NABP1: variants seen among roughly 807,000 people sequenced by gnomAD.
NABP1 encodes SOSS complex subunit B2.
NABP1 carries 18 observed loss-of-function variants against 25.0 expected under a neutral mutation model. The observed-to-expected ratio is 0.72, with a 90% CI of 0.50 to 1.07. The LOEUF (loss-of-function observed/expected upper bound fraction) is 1.07, where lower values mean the gene tolerates loss of function less well. Among genes scored for constraint, NABP1 ranks in the 50% least tolerant of loss-of-function variants. NABP1 has a pLI of 0.00. For missense variants in NABP1, 270 were observed against 255.6 expected, an observed-to-expected ratio of 1.06 and a Z score of -0.39; for synonymous variants, 71 against 85.0, an observed-to-expected ratio of 0.84 and a Z score of 0.91.
chr2:191,678,737 C>G (rs745720273), intron 1 of NABP1, 32 bp downstream of exon 1: 104 of 1,578,552 alleles, frequency 6.6e-5, no homozygotes, highest in Non-Finnish European at 8.8e-5. Context: ...CTCCACCGCC[C>G]GCTGTGCCTC....
rs1196932534 is a variant in NABP1, at chr2:191,678,423, T to TG, written c.-192_-191insG. On this transcript the variant is annotated 5_prime_UTR_variant, in exon 1 of 6. Coordinates refer to ENST00000425611, the MANE Select transcript of NABP1 (RefSeq NM_001031716.5). ...TGAGCCTTTTTTTTTTTTTTTTTTT[T>TG]TTTTCTTTTTTTAGGCTCAGTGCTG... is the stretch of plus-strand genomic sequence containing the variant. 5.0e-4 allele frequency: 82 copies of TG among 163,134 alleles called. No homozygotes were observed. Among genetic ancestry groups the TG allele is most frequent in the Non-Finnish European group, 8.1e-4 (61 of 75,606 alleles). 10.1% of individuals were successfully genotyped at this position (163,134 alleles called of 1,614,324 possible).
chr2:191,680,122 T>A lies in NABP1; in HGVS notation c.230+994T>A, dbSNP rs568388480. Among the ~76,000 whole-genome samples, 463 of 152,244 alleles carry A rather than the reference T, an allele frequency of 3.0e-3. 5 individuals are homozygous for A. The highest frequency in any genetic ancestry group is 0.01 in the African/African-American group (436 of 41,544). The stretch of plus-strand genomic sequence containing the variant: ...TTAAAAAATACTAGAACTTTTTTTT[T>A]AAAAAATAGATTGCTTTTAGAAATT... On this transcript the variant is annotated intron_variant, in intron 2 of 5. Transcript: ENST00000425611.
chr2:191,686,341 T>G lies in NABP1; in HGVS notation c.*573T>G, dbSNP rs1436151430. On this transcript the variant is annotated 3_prime_UTR_variant, in exon 6 of 6. Coordinates refer to ENST00000425611, the MANE Select transcript of NABP1 (RefSeq NM_001031716.5). ...CAAAAAAACAGATTCCTTATCAGAA[T>G]TTGGAATAGAATGTGATCTCTATTG... The G allele has an allele frequency of 6.6e-6, 1 of 152,288 alleles. No homozygotes were observed. Among genetic ancestry groups the G allele is most frequent in the Non-Finnish European group, 1.5e-5 (1 of 68,108 alleles). 9.4% of individuals were successfully genotyped at this position (152,288 alleles called of 1,614,324 possible).
chr2:191,679,213 C>A, intron 2 of NABP1, 85 bp downstream of exon 2: 1 of 1,539,940 alleles, frequency 6.5e-7, no homozygotes, highest in Non-Finnish European at 8.9e-7. Context: ...GCCCTGAAGT[C>A]CCCCGCCTTT....
chr2:191,682,119 A>G (rs1687704327), intron 3 of NABP1, 102 bp downstream of exon 3: 1 of 615,344 alleles, frequency 1.6e-6, no homozygotes, highest in South Asian at 3.2e-5. Flanking sequence ...TTTTTTGACT[A>G]GTAAACTGAA....
At position 191,685,740 on chromosome 2, in the gene NABP1, G is replaced by C; in HGVS notation, c.587G>C (p.Arg196Thr). ...QTVMTTISNG[R>T]DPRRAFKR ...GTGATGACCACAATAAGTAATGGCA[G>C]GGACCCTCGGAGAGCCTTTAAAAGA... The change falls in exon 6 of 6, where the codon AGG becomes ACG. Residue 196 changes from arginine to threonine, a missense_variant. By Grantham distance (71) the Arg-to-Thr change is moderately conservative. Coordinates refer to ENST00000425611, the MANE Select transcript of NABP1 (RefSeq NM_001031716.5). 1 of 1,614,122 alleles carries C rather than the reference G, an allele frequency of 6.2e-7. No homozygotes were observed. Among genetic ancestry groups the C allele is most frequent in the Non-Finnish European group, 8.5e-7 (1 of 1,179,988 alleles).
rs1260012185 is a variant in NABP1 at position 191,686,053 on chromosome 2, T to G, written c.*285T>G. ...TGCACCCATTTCATGGGTGAGTTAC[T>G]TAAGACATCAGCTTTATAGCCTCTA... On this transcript the variant is annotated 3_prime_UTR_variant, in exon 6 of 6. Coordinates refer to ENST00000425611, the MANE Select transcript of NABP1 (RefSeq NM_001031716.5). 3.4e-6 allele frequency: 1 copy of G among 298,466 alleles called. No homozygotes were observed. Among genetic ancestry groups the G allele is most frequent in the African/African-American group, 2.2e-5 (1 of 44,526 alleles). The allele number at this position is 298,466 out of a possible 1,614,324, so 18.5% of individuals were successfully genotyped here.
chr2:191,683,038 T>TA lies in NABP1; in HGVS notation c.303-690dup, dbSNP rs1687729145. 6.3e-6 allele frequency: 1 copy of TA among 158,038 alleles called. No homozygotes were observed. Among genetic ancestry groups the TA allele is most frequent in the African/African-American group, 2.4e-5 (1 of 41,468 alleles). The allele number at this position is 158,038 out of a possible 1,614,324, so 9.8% of individuals were successfully genotyped here. Reference sequence around the variant, plus strand: ...GGTGTTGATAATAATGGAGGTCAGTTACGTGAAAAACCGTTAGAGGTCACT... The same window carrying TA: ...GGTGTTGATAATAATGGAGGTCAGTTAACGTGAAAAACCGTTAGAGGTCACT... On this transcript the variant is annotated intron_variant, in intron 3 of 5. Coordinates refer to ENST00000425611, the MANE Select transcript of NABP1 (RefSeq NM_001031716.5). The surrounding 1 kb of genome is among the most constrained non-coding windows in gnomAD (Gnocchi z 4.1).
chr2:191,679,173 G>A, intron 2 of NABP1, 45 bp downstream of exon 2: 2 of 1,610,810 alleles, frequency 1.2e-6, no homozygotes, highest in Non-Finnish European at 1.7e-6. Context: ...CTGCAGAATC[G>A]GGATTGGCCG....
chr2:191,678,798 C>T, intron 1 of NABP1, 93 bp downstream of exon 1: 2 of 1,236,830 alleles, frequency 1.6e-6, no homozygotes, highest in South Asian at 1.3e-5. Flanking sequence ...GGCTCCCCTC[C>T]TCCTCCCTCC....
intron 5 of NABP1, among the ~76,000 whole-genome samples, chr2:191,685,328 T>C (rs957695047): frequency 2.6e-5 from 4 of 152,250 alleles, no homozygotes; most frequent in Non-Finnish European, 5.9e-5. Flanking sequence ...TTTTCTTTTA[T>C]AGTGTAGGCA....
chr2:191,682,544 G>C (rs770005468), intron 3 of NABP1: 5 of 470,980 alleles, frequency 1.1e-5, no homozygotes, highest in Non-Finnish European at 8.8e-6. Flanking sequence ...CTACTACCCT[G>C]GTAATGATCT....
Position 191,683,512 on chromosome 2 carries a change from A to G in NABP1, c.303-217A>G, listed in dbSNP as rs957358679. The G allele has an allele frequency of 2.3e-6, 1 of 429,074 alleles. No homozygotes were observed. The highest frequency in any genetic ancestry group is 4.1e-6 in the Non-Finnish European group (1 of 243,194). 26.6% of individuals were successfully genotyped at this position (429,074 alleles called of 1,614,324 possible). Reference sequence around the variant, plus strand: ...TTCAGCACTAAAGAAGAATTTAAATACAAAATAGAATGTTATATATCTTGT... The same window carrying G: ...TTCAGCACTAAAGAAGAATTTAAATGCAAAATAGAATGTTATATATCTTGT... On this transcript the variant is annotated intron_variant, in intron 3 of 5. Coordinates refer to ENST00000425611, the MANE Select transcript of NABP1 (RefSeq NM_001031716.5). This position sits in a 1 kb window ranked among gnomAD's most constrained non-coding sequence, Gnocchi z 4.1.
intron 1 of NABP1, 47 bp from the exon 2 acceptor site, chr2:191,678,943 T>A: frequency 2.5e-6 from 4 of 1,613,574 alleles, no homozygotes; most frequent in Non-Finnish European, 3.4e-6. Context: ...TTTCTGGATG[T>A]CCTCATTATC....
At position 191,683,498 on chromosome 2, in the gene NABP1, A is replaced by G. The variant is rs1687738321; in HGVS notation, c.303-231A>G. The stretch of plus-strand genomic sequence containing the variant: ...GATGTGATTTTTTTTTCAGCACTAA[A>G]GAAGAATTTAAATACAAAATAGAAT... On this transcript the variant is annotated intron_variant, in intron 3 of 5. Transcript: ENST00000425611. The surrounding 1 kb of genome is among the most constrained non-coding windows in gnomAD (Gnocchi z 4.1). 2.5e-6 allele frequency: 1 copy of G among 395,896 alleles called. No individual in the cohort carries two copies. The highest frequency in any genetic ancestry group is 2.2e-5 in the African/African-American group (1 of 46,444). The allele number at this position is 395,896 out of a possible 1,614,324, so 24.5% of individuals were successfully genotyped here. A position where few individuals can be genotyped will look rare whatever the true frequency, so the allele number is the denominator to read the frequency against.
rs192019689 is a variant in NABP1, at chr2:191,685,460, A to G, written c.446-139A>G. ...ACATTTGGAAAAACTTAGAGCCCAC[A>G]TTGTTTTTTTTTTCTGTATAAAAAT... On this transcript the variant is annotated intron_variant, in intron 5 of 5. Coordinates refer to ENST00000425611, the MANE Select transcript of NABP1 (RefSeq NM_001031716.5). The G allele has an allele frequency of 9.8e-4, 794 of 813,274 alleles. 4 individuals are homozygous for G. The African/African-American group carries it at 0.012, about 13-fold the overall frequency. The allele number at this position is 813,274 out of a possible 1,614,324, so 50.4% of individuals were successfully genotyped here.
intron 5 of NABP1, chr2:191,684,845 C>T (rs1290650390): frequency 6.6e-6 from 1 of 152,278 alleles, no homozygotes; most frequent in Admixed American, 6.6e-5. Context: ...TAGGATGGCT[C>T]ATGTTTTGGT....
Position 191,684,200 on chromosome 2 carries a change from C to T in NABP1, c.379-30C>T, listed in dbSNP as rs769541035. On this transcript the variant is annotated intron_variant, in intron 4 of 5. Transcript: ENST00000425611. ...AATAATATAATTGTGTTTTTATTCT[C>T]GTTTGGTTAAATTAAAAACTTTTTT... 6 of 1,330,710 alleles carry T rather than the reference C, an allele frequency of 4.5e-6. No individual in the cohort carries two copies. In the African/African-American group the frequency reaches 4.6e-5, roughly 10 times the overall value. The allele number at this position is 1,330,710 out of a possible 1,614,324, so 82.4% of individuals were successfully genotyped here.
chr2:191,678,734 G>A (rs770576141), intron 1 of NABP1, 29 bp downstream of exon 1: 4 of 1,577,226 alleles, frequency 2.5e-6, no homozygotes, highest in Non-Finnish European at 3.5e-6. Context: ...CTACTCCACC[G>A]CCCGCTGTGC....
Sources: gnomAD v4.1 joint callset for allele counts (sites outside exome capture counted in the v4.1 genomes callset) on GRCh38, gnomAD v4.1.1 for gene constraint, Gnocchi (gnomAD v3.1) non-coding constraint, MANE v1.5 for transcripts, NCBI Gene and HGNC (gene_info 2026-07-23, HGNC 2026-07-21) for gene names.